Variants in KNL1 observed in about 807,000 individuals in gnomAD.
The protein encoded by KNL1 is kinetochore scaffold 1.
In KNL1, 66 loss-of-function variants were observed where a neutral mutation model predicts 201.3. The observed-to-expected ratio is 0.33, with a 90% CI of 0.27 to 0.40. The LOEUF (loss-of-function observed/expected upper bound fraction) is 0.40, where lower values mean the gene tolerates loss of function less well. Ranked by LOEUF, KNL1 falls within the 10% of genes least tolerant of loss-of-function variation. The pLI is 1.00. For missense variants in KNL1, 2,815 were observed against 2,690.5 expected, an observed-to-expected ratio of 1.05 and a Z score of -1.02; for synonymous variants, 895 against 899.2, an observed-to-expected ratio of 1.00 and a Z score of 0.08.
At chr15:40,629,069 T>G (rs1268839988) in intron 12 of KNL1, among the ~76,000 whole-genome samples, 1 of 152,186 alleles carries the variant, frequency 6.6e-6, no homozygotes, top group African/African-American at 2.4e-5. Flanking sequence ...TTTTGGGTTT[T>G]GGGATTTTTA....
chr15:40,635,894 T>C (rs1175939601), intron 13 of KNL1, among the ~76,000 whole-genome samples: 2 of 152,080 alleles, frequency 1.3e-5, no homozygotes, highest in Non-Finnish European at 2.9e-5. Context: ...TGAGACGGAG[T>C]CTCGCTCTGT....
chr15:40,626,931 G>A (rs1892771311), intron 10 of KNL1, among the ~76,000 whole-genome samples: 1 of 152,106 alleles, frequency 6.6e-6, no homozygotes, highest in Non-Finnish European at 1.5e-5. Context: ...GTCTTGCTCT[G>A]TTGCCCAGGC....
rs781460160 is a variant in KNL1 at position 40,650,380 on chromosome 15, T to C, written c.6172+2T>C. ...CTGAAATGAGAGCTGCAGAAAAAGG[T>C]AATTGAATTAGTTAAGGAGATAAAT... On this transcript the variant is annotated splice_donor_variant, in intron 18 of 25. Transcript: ENST00000399668. LOFTEE classifies it high-confidence loss of function. 1.7e-5 allele frequency: 27 copies of C among 1,608,992 alleles called. No individual in the cohort carries two copies. The highest frequency in any genetic ancestry group is 2.1e-5 in the Non-Finnish European group (25 of 1,175,658).
Position 40,625,213 on chromosome 15 carries a change from T to G in KNL1, c.4949T>G (p.Leu1650Trp). The G allele has an allele frequency of 6.2e-7, 1 of 1,614,030 alleles. No homozygotes were observed. The highest frequency in any genetic ancestry group is 2.2e-5 in the East Asian group (1 of 44,878). Residue 1650 changes from leucine to tryptophan, a missense_variant, in exon 10 of 26, where the codon TTG (leucine) becomes TGG (tryptophan). Transcript: ENST00000399668. ...VFKDKVRRCS[L>W]GIFLPRLPNK... ...AAAGATAAAGTAAGGAGATGTTCTT[T>G]GGGAATCTTTTTGCCTAGATTGCCC...
chr15:40,607,978 C>T (rs1439469889), intron 4 of KNL1, among the ~76,000 whole-genome samples: 2 of 151,938 alleles, frequency 1.3e-5, no homozygotes, highest in Non-Finnish European at 2.9e-5. Context: ...AGGAGAGTTT[C>T]AAAGAGATAT....
chr15:40,654,842 C>A, intron 21 of KNL1, 67 bp from the exon 22 acceptor site: 1 of 1,219,000 alleles, frequency 8.2e-7, no homozygotes, highest in South Asian at 1.2e-5. Flanking sequence ...GCACTCCAGC[C>A]TGGGAGACAA....
Position 40,625,205 on chromosome 15 carries a change from A to G in KNL1, c.4941A>G (p.Arg1647=), listed in dbSNP as rs750973150. Reference sequence around the variant, plus strand: ...CAGTTTTTAAAGATAAAGTAAGGAGATGTTCTTTGGGAATCTTTTTGCCTA... The same window carrying G: ...CAGTTTTTAAAGATAAAGTAAGGAGGTGTTCTTTGGGAATCTTTTTGCCTA... ...PKTVFKDKVR[R]CSLGIFLPRL... Residue 1647 remains arginine, a synonymous_variant, in exon 10 of 26, where the codon AGA becomes AGG. Transcript: ENST00000399668. 7 of 1,613,892 alleles carry G rather than the reference A, an allele frequency of 4.3e-6. No homozygotes were observed. Among genetic ancestry groups the G allele is most frequent in the Non-Finnish European group, 5.9e-6 (7 of 1,179,948 alleles).
At chr15:40,602,479 C>CGTGTT (rs1566998543) in intron 1 of KNL1, among the ~76,000 whole-genome samples, 4 of 104,186 alleles carry the variant, frequency 3.8e-5, no homozygotes, top group African/African-American at 1.4e-4. Flanking sequence ...TTTTTTCCTT[C>CGTGTT]CTTTTTTTTT....
intron 10 of KNL1, among the ~76,000 whole-genome samples, 168 bp from the exon 11 acceptor site, chr15:40,627,902 C>T (rs911461134): frequency 6.6e-6 from 1 of 152,106 alleles, no homozygotes; most frequent in Non-Finnish European, 1.5e-5. Flanking sequence ...TTACTTTTAA[C>T]TCTAATTAAA....
intron 14 of KNL1, 92 bp downstream of exon 14, chr15:40,641,119 C>T: frequency 1.2e-6 from 1 of 819,738 alleles, no homozygotes; most frequent in Non-Finnish European, 1.9e-6. Context: ...ATAATGCTGG[C>T]ATGGGGTAAA....
chr15:40,617,262 A>T (rs1441448606), intron 8 of KNL1, among the ~76,000 whole-genome samples: 3 of 152,208 alleles, frequency 2.0e-5, no homozygotes, highest in African/African-American at 2.4e-5. Context: ...ATGCATTTAT[A>T]AATGCTATTT....
At chr15:40,634,103 GT>G (rs1158397685) in intron 13 of KNL1, among the ~76,000 whole-genome samples, 3 of 151,306 alleles carry the variant, frequency 2.0e-5, no homozygotes, top group Non-Finnish European at 3.0e-5. Flanking sequence ...TGTTGTTGTT[GT>G]TTGTTTGTTT....
intron 13 of KNL1, among the ~76,000 whole-genome samples, chr15:40,639,710 G>T (rs562169991): frequency 1.3e-3 from 201 of 152,046 alleles, no homozygotes; most frequent in African/African-American, 4.7e-3. Flanking sequence ...GGAGGCTGAG[G>T]CTGCAGTGAG....
Position 40,622,139 on chromosome 15 carries a change from A to T in KNL1, c.1875A>T (p.Arg625=). ...ITKSRNEPFQ[R]SDIIAKNSLT... ...AAAGTCGTAATGAACCATTTCAGCG[A>T]TCAGACATAATAGCCAAAAACAGCT... The change falls in exon 10 of 26, where the codon CGA becomes CGT. Residue 625 remains arginine, a synonymous_variant. Coordinates refer to ENST00000399668, the MANE Select transcript of KNL1 (RefSeq NM_144508.5). 1.2e-6 allele frequency: 2 copies of T among 1,614,142 alleles called. No individual in the cohort carries two copies. The highest frequency in any genetic ancestry group is 8.5e-7 in the Non-Finnish European group (1 of 1,179,978).
At chr15:40,648,428 A>G (rs1219594075) in intron 17 of KNL1, among the ~76,000 whole-genome samples, 2 of 126,876 alleles carry the variant, frequency 1.6e-5, no homozygotes, top group East Asian at 3.9e-4. Flanking sequence ...CAAACTAAAT[A>G]AATAAATTTA....
At chr15:40,647,213 G>T in intron 17 of KNL1, 139 bp downstream of exon 17, 2 of 536,316 alleles carry the variant, frequency 3.7e-6, no homozygotes, top group Non-Finnish European at 3.4e-6. Context: ...ATTGGCTCAC[G>T]CCTGTAATCC....
intron 13 of KNL1, among the ~76,000 whole-genome samples, chr15:40,634,949 G>A (rs1044665183): frequency 2.6e-5 from 4 of 152,056 alleles, no homozygotes; most frequent in African/African-American, 9.7e-5. Context: ...AGGGTACTTC[G>A]GGAAAGAAGT....
intron 2 of KNL1, among the ~76,000 whole-genome samples, chr15:40,603,449 T>C (rs1407947718): frequency 6.6e-6 from 1 of 152,200 alleles, no homozygotes; most frequent in African/African-American, 2.4e-5. Context: ...TACAGACTCA[T>C]AGCTTTCCTT....
chr15:40,652,740 G>A (rs1893606358), intron 21 of KNL1, among the ~76,000 whole-genome samples: 1 of 119,738 alleles, frequency 8.4e-6, no homozygotes, highest in Non-Finnish European at 1.7e-5. Context: ...TCCAGCCTGG[G>A]CAACAGAGCA....
Sources: allele counts gnomAD v4.1 joint callset (sites outside exome capture counted in the v4.1 genomes callset), GRCh38; gene constraint gnomAD v4.1.1; transcripts MANE v1.5; gene names NCBI Gene and HGNC (gene_info 2026-07-23, HGNC 2026-07-21).